Variants in FMN1 observed in about 807,000 individuals in gnomAD.
FMN1 encodes formin 1.
In FMN1, 110 loss-of-function variants were observed where a neutral mutation model predicts 132.4. The ratio of observed to expected loss-of-function variants is 0.83; its 90% CI spans 0.71 to 0.97. FMN1 has a LOEUF of 0.97. Among genes scored for constraint, FMN1 ranks in the 50% least tolerant of loss-of-function variants. The probability of loss-of-function intolerance (pLI) is 0.00; values close to 1 mark genes in which losing one functional copy is unlikely to be tolerated. For synonymous variants in FMN1, 722 were observed against 651.7 expected (o/e 1.11, Z -1.64); for missense variants, 1,792 against 1,705.3 (o/e 1.05, Z -0.90).
intron 6 of FMN1, among the ~76,000 whole-genome samples, chr15:33,028,327 C>T (rs997915782): frequency 5.9e-5 from 9 of 152,096 alleles, no homozygotes; most frequent in African/African-American, 1.7e-4. Context: ...TAAGCTCCTA[C>T]ATTTGACTCT....
intron 9 of FMN1, among the ~76,000 whole-genome samples, chr15:32,952,287 C>A (rs1168245530): frequency 2.6e-5 from 4 of 152,196 alleles, no homozygotes; most frequent in African/African-American, 9.7e-5. Flanking sequence ...GAATCACATT[C>A]TTCTCCAAGC....
intron 10 of FMN1, among the ~76,000 whole-genome samples, chr15:32,919,619 T>A (rs182270553): frequency 1.3e-5 from 2 of 152,346 alleles, no homozygotes; most frequent in East Asian, 3.9e-4. Context: ...CCTACACTTA[T>A]ATTTTAGAAA....
intron 9 of FMN1, among the ~76,000 whole-genome samples, chr15:32,957,053 T>C (rs2061785778): frequency 6.6e-6 from 1 of 152,000 alleles, no homozygotes; most frequent in South Asian, 2.1e-4. Context: ...CCCAAAGTGT[T>C]TGGGGAATAG....
intron 7 of FMN1, among the ~76,000 whole-genome samples, chr15:33,007,527 C>T (rs1194031570): frequency 6.6e-6 from 1 of 152,110 alleles, no homozygotes; most frequent in Non-Finnish European, 1.5e-5. Flanking sequence ...TTTCCCAGCA[C>T]TCTCTGAGGA....
At chr15:32,969,669 G>C (rs116480674) in intron 7 of FMN1, among the ~76,000 whole-genome samples, 192 bp from the exon 8 acceptor site, 32 of 152,232 alleles carry the variant, frequency 2.1e-4, no homozygotes, top group African/African-American at 7.2e-4. Context: ...ACCTAAACAG[G>C]CAGGAGTCAA....
intron 4 of FMN1, among the ~76,000 whole-genome samples, chr15:33,111,140 T>C (rs146891852): frequency 6.6e-6 from 1 of 152,288 alleles, no homozygotes; most frequent in Non-Finnish European, 1.5e-5. Context: ...GTGTTTTCCA[T>C]GGTGCTTTGC....
intron 4 of FMN1, among the ~76,000 whole-genome samples, chr15:33,101,803 C>A (rs1482631523): frequency 6.6e-6 from 1 of 152,062 alleles, no homozygotes; most frequent in Non-Finnish European, 1.5e-5. Context: ...AACCCAAATT[C>A]TTTGGTTGGA....
Position 33,113,141 on chromosome 15 carries a change from G to A in FMN1, c.1868-24167C>T, listed in dbSNP as rs188752111. The stretch of plus-strand genomic sequence containing the variant: ...GCTGTTTCAAATATCTGCATTTATT[G>A]GTGTAATTTGGATGCTTTGTGGCCA... On this transcript the variant is annotated intron_variant, in intron 4 of 20. Coordinates refer to ENST00000616417, the MANE Select transcript of FMN1 (RefSeq NM_001277313.2). Among the ~76,000 whole-genome samples the A allele has an allele frequency of 2.0e-3, 312 of 152,260 alleles. 1 individual carries two copies. The highest frequency in any genetic ancestry group is 8.3e-3 in the South Asian group (40 of 4,818).
rs1274039288 is a variant in FMN1 at position 33,154,500 on chromosome 15, A to G, written c.415T>C (p.Trp139Arg). Residue 139 changes from tryptophan (W) to arginine (R), a missense_variant, in exon 4 of 21, where the codon TGG becomes CGG. Physicochemically the swap from Trp to Arg is moderately radical, Grantham distance 101 (BLOSUM62 -3). Around this residue, in one of 3 missense-constraint regions of FMN1, gnomAD observed 638 missense variants for 645.2 expected, o/e 0.99. Coordinates refer to ENST00000616417, the MANE Select transcript of FMN1 (RefSeq NM_001277313.2). ...EDDCFQSAGD[W>R]QGELPVGPLN... ...GGGCCCACGGGGAGCTCTCCCTGCC[A>G]GTCACCAGCACTCTGGAAACAGTCA... 1 of 1,531,102 alleles carries G rather than the reference A, an allele frequency of 6.5e-7. No individual in the cohort carries two copies. The highest frequency in any genetic ancestry group is 8.7e-7 in the Non-Finnish European group (1 of 1,146,860). The allele number at this position is 1,531,102 out of a possible 1,614,324, so 94.8% of individuals were successfully genotyped here.
chr15:33,069,203 A>G (rs765188158), intron 5 of FMN1, among the ~76,000 whole-genome samples: 2 of 152,354 alleles, frequency 1.3e-5, no homozygotes, highest in Middle Eastern at 3.4e-3. Flanking sequence ...CTACCACTCT[A>G]TTTATATGCT....
intron 3 of FMN1, among the ~76,000 whole-genome samples, chr15:33,171,644 T>C (rs530478710): frequency 6.6e-6 from 1 of 152,062 alleles, no homozygotes; most frequent in African/African-American, 2.4e-5. Context: ...AACTATGGGT[T>C]TTTTTTTAAA....
chr15:32,881,494 G>C (rs1205426946), intron 16 of FMN1, among the ~76,000 whole-genome samples: 1 of 152,156 alleles, frequency 6.6e-6, no homozygotes, highest in African/African-American at 2.4e-5. Context: ...AATTCCATGA[G>C]TGTTCAGTCC....
intron 17 of FMN1, among the ~76,000 whole-genome samples, chr15:32,847,212 A>T (rs2141243034): frequency 1.3e-5 from 2 of 152,170 alleles, no homozygotes; most frequent in South Asian, 4.1e-4. Context: ...TTTAAGGTAT[A>T]GTCCCCTGTT....
chr15:32,771,511 CTG>C lies in FMN1; in HGVS notation c.*2797_*2798del, dbSNP rs1179829435. The C allele has an allele frequency of 2.0e-5, 3 of 152,326 alleles. No individual in the cohort carries two copies. In the East Asian group the frequency reaches 5.8e-4, roughly 29 times the overall value. 9.4% of individuals were successfully genotyped at this position (152,326 alleles called of 1,614,324 possible). On this transcript the variant is annotated 3_prime_UTR_variant, in exon 21 of 21. Coordinates refer to ENST00000616417, the MANE Select transcript of FMN1 (RefSeq NM_001277313.2). Reference sequence around the variant, plus strand: ...TGCAAGAATCTGAACTACTGTCAAACTGTGTCCTCAGATTTAATGAATATTGT... The same window carrying C: ...TGCAAGAATCTGAACTACTGTCAAACTGTCCTCAGATTTAATGAATATTGT...
intron 3 of FMN1, among the ~76,000 whole-genome samples, chr15:33,155,969 C>T (rs1964654248): frequency 6.6e-6 from 1 of 152,342 alleles, no homozygotes; most frequent in East Asian, 1.9e-4. Flanking sequence ...TTAAAACAAG[C>T]ACCGCCCACA....
At chr15:33,120,993 G>C (rs1005760889) in intron 4 of FMN1, among the ~76,000 whole-genome samples, 1 of 152,050 alleles carries the variant, frequency 6.6e-6, no homozygotes, top group Non-Finnish European at 1.5e-5. Flanking sequence ...CTTCTTGATA[G>C]AGGTTTTAGT....
At chr15:32,785,041 C>T (rs546663887) in intron 19 of FMN1, among the ~76,000 whole-genome samples, 54 of 151,314 alleles carry the variant, frequency 3.6e-4, no homozygotes, top group African/African-American at 7.5e-4. Context: ...TGCTCATCCT[C>T]GTTTCCTTTC....
chr15:32,974,876 G>C (rs1279286037), intron 7 of FMN1, among the ~76,000 whole-genome samples: 1 of 152,162 alleles, frequency 6.6e-6, no homozygotes, highest in Non-Finnish European at 1.5e-5. Flanking sequence ...CCAATAAAGG[G>C]AATGTTCCTT....
intron 3 of FMN1, among the ~76,000 whole-genome samples, chr15:33,162,923 C>T (rs1323637135): frequency 6.6e-6 from 1 of 150,746 alleles, no homozygotes; most frequent in Non-Finnish European, 1.5e-5. Context: ...TTGAGACCAG[C>T]CTGGTCAACA....
Sources: gnomAD v4.1 joint callset for allele counts (sites outside exome capture counted in the v4.1 genomes callset) on GRCh38, gnomAD v4.1.1 for gene constraint, gnomAD v4.1.1 regional missense constraint, MANE v1.5 for transcripts, NCBI Gene and HGNC (gene_info 2026-07-23, HGNC 2026-07-21) for gene names.